The following MAVS variants were observed in gnomAD, a reference collection of about 807,000 sequenced individuals.
The protein encoded by MAVS is mitochondrial antiviral-signaling protein.
Under a neutral mutation model 30.2 loss-of-function variants are expected in MAVS, and 20 were observed. The ratio of observed to expected loss-of-function variants is 0.66; its 90% CI spans 0.47 to 0.96. MAVS has a LOEUF of 0.96. Among genes scored for constraint, MAVS ranks in the 40% least tolerant of loss-of-function variants. MAVS has a pLI of 0.00. For synonymous variants in MAVS, 278 were observed against 293.9 expected, an observed-to-expected ratio of 0.95 and a Z score of 0.55; for missense variants, 624 against 701.1, an observed-to-expected ratio of 0.89 and a Z score of 1.24.
intron 3 of MAVS, 108 bp downstream of exon 3, chr20:3,857,917 G>A (rs776561814): frequency 1.6e-6 from 2 of 1,276,420 alleles, no homozygotes; most frequent in Admixed American, 1.9e-5. Context: ...CCTCTTTCTT[G>A]TCACTGTGAA....
At chr20:3,857,543 T>C in intron 2 of MAVS, 92 bp from the exon 3 acceptor site, 1 of 1,446,520 alleles carries the variant, frequency 6.9e-7, no homozygotes, top group Non-Finnish European at 9.2e-7. Flanking sequence ...GTGGCTTTCT[T>C]GGCACCCCTC....
chr20:3,859,050 A>G (rs1037920269), intron 3 of MAVS, among the ~76,000 whole-genome samples: 120 of 152,052 alleles, frequency 7.9e-4, no homozygotes, highest in African/African-American at 2.8e-3. Context: ...TCGGCCTCCC[A>G]GAGTGCTGGG....
Position 3,875,043 on chromosome 20 carries a change from A to C in MAVS, c.*8896A>C, listed in dbSNP as rs1363809913. 6.6e-6 allele frequency: 1 copy of C among 152,320 alleles called. No homozygotes were observed. Among genetic ancestry groups the C allele is most frequent in the Non-Finnish European group, 1.5e-5 (1 of 68,036 alleles). 9.4% of individuals were successfully genotyped at this position (152,320 alleles called of 1,614,324 possible). A position where few individuals can be genotyped will look rare whatever the true frequency, so the allele number is the denominator to read the frequency against. On this transcript the variant is annotated 3_prime_UTR_variant, in exon 7 of 7. Transcript: ENST00000428216. ...AGCCCAGATCCTACAGGAAACCTTG[A>C]TTAGACCCCTCTCTTTATTAAGCTT... is the stretch of plus-strand genomic sequence containing the variant.
In MAVS at chr20:3,861,488, C is replaced by T. The variant is rs2089867152; in HGVS notation, c.449C>T (p.Pro150Leu). 1.2e-6 allele frequency: 2 copies of T among 1,613,900 alleles called. No homozygotes were observed. Among genetic ancestry groups the T allele is most frequent in the Middle Eastern group, 1.6e-4 (1 of 6,082 alleles). ...ATGCCTGTCCAGGAGACCCAGGCGCCAGAGTCCCCAGGAGAGGTCTGTCCT... is the reference window on the plus strand; with the variant it reads ...ATGCCTGTCCAGGAGACCCAGGCGCTAGAGTCCCCAGGAGAGGTCTGTCCT... ...YPMPVQETQA[P>L]ESPGENSEQA... Residue 150 changes from proline (P) to leucine (L), a missense_variant, in exon 4 of 7, where the codon CCA (proline) becomes CTA (leucine). Physicochemically the swap from Pro to Leu is moderately conservative, Grantham distance 98. Coordinates refer to ENST00000428216, the MANE Select transcript of MAVS (RefSeq NM_020746.5).
chr20:3,868,860 G>A lies in MAVS; in HGVS notation c.*2713G>A, dbSNP rs1168577248. Reference sequence around the variant, plus strand: ...GATCGCACCACTGCACTCCAGCCTGGGTGACCGAGTGATACTCTGTCTCAA... The same window carrying A: ...GATCGCACCACTGCACTCCAGCCTGAGTGACCGAGTGATACTCTGTCTCAA... On this transcript the variant is annotated 3_prime_UTR_variant, in exon 7 of 7. Transcript: ENST00000428216. 2 of 152,246 alleles carry A rather than the reference G, an allele frequency of 1.3e-5. No individual in the cohort carries two copies. The highest frequency in any genetic ancestry group is 4.8e-5 in the African/African-American group (2 of 41,440). The allele number at this position is 152,246 out of a possible 1,614,324, so 9.4% of individuals were successfully genotyped here. A position where few individuals can be genotyped will look rare whatever the true frequency, so the allele number is the denominator to read the frequency against.
chr20:3,849,506 C>T (rs893489619), intron 1 of MAVS, among the ~76,000 whole-genome samples: 15 of 152,142 alleles, frequency 9.9e-5, no homozygotes, highest in African/African-American at 3.6e-4. Context: ...AGCCAGCCAT[C>T]CCTAGCTTTC....
intron 1 of MAVS, among the ~76,000 whole-genome samples, chr20:3,849,409 T>G (rs1414606330): frequency 1.3e-5 from 2 of 152,118 alleles, no homozygotes; most frequent in African/African-American, 4.8e-5. Context: ...TTCACCATGT[T>G]GGCGAGGCTG....
chr20:3,861,924 T>G (rs1451519067), intron 4 of MAVS, among the ~76,000 whole-genome samples: 1 of 152,144 alleles, frequency 6.6e-6, no homozygotes, highest in Non-Finnish European at 1.5e-5. Context: ...AATTTTTGTA[T>G]TTTTAGTAGA....
intron 3 of MAVS, among the ~76,000 whole-genome samples, chr20:3,858,836 G>A (rs1182643735): frequency 2.0e-5 from 3 of 146,366 alleles, no homozygotes; most frequent in Admixed American, 7.0e-5. Flanking sequence ...GTCTTGCTGC[G>A]CCACCCAGGC....
In MAVS at chr20:3,873,972, C is replaced by A. The variant is rs188376946; in HGVS notation, c.*7825C>A. The A allele has an allele frequency of 1.8e-3, 698 of 396,810 alleles. 1 individual carries two copies. Among genetic ancestry groups the A allele is most frequent in the Non-Finnish European group, 2.5e-3 (573 of 225,596 alleles). 24.6% of individuals were successfully genotyped at this position (396,810 alleles called of 1,614,324 possible). ...ATTGGCAAGAATGTTTCTAACCACA[C>A]GCTGACTGTAGCCCCAAACCTGAAA... On this transcript the variant is annotated 3_prime_UTR_variant, in exon 7 of 7. Coordinates refer to ENST00000428216, the MANE Select transcript of MAVS (RefSeq NM_020746.5).
In MAVS at chr20:3,867,559, G is replaced by A; in HGVS notation, c.*1412G>A. The A allele has an allele frequency of 6.4e-6, 1 of 156,688 alleles. No individual in the cohort carries two copies. Among genetic ancestry groups the A allele is most frequent in the Admixed American group, 6.1e-5 (1 of 16,318 alleles). The allele number at this position is 156,688 out of a possible 1,614,324, so 9.7% of individuals were successfully genotyped here. A position where few individuals can be genotyped will look rare whatever the true frequency, so the allele number is the denominator to read the frequency against. ...TGCAGTGAGCTAGGATCGTGCCACT[G>A]CACTCCAACCTGGGTGAGAGAGCGA... is the stretch of plus-strand genomic sequence containing the variant. On this transcript the variant is annotated 3_prime_UTR_variant, in exon 7 of 7. Coordinates refer to ENST00000428216, the MANE Select transcript of MAVS (RefSeq NM_020746.5).
intron 3 of MAVS, among the ~76,000 whole-genome samples, chr20:3,859,199 C>T (rs907820173): frequency 4.1e-5 from 6 of 147,670 alleles, no homozygotes; most frequent in African/African-American, 1.5e-4. Context: ...TATGTCTCTT[C>T]ATGTGTGGAG....
At chr20:3,851,376 G>T (rs1286511231) in intron 1 of MAVS, among the ~76,000 whole-genome samples, 3 of 146,680 alleles carry the variant, frequency 2.0e-5, no homozygotes, top group Non-Finnish European at 4.5e-5. Flanking sequence ...CATGATGGTG[G>T]GCACGTGTAA....
In MAVS at chr20:3,857,739, G is replaced by A. The variant is rs200033422; in HGVS notation, c.222G>A (p.Ala74=). The A allele has an allele frequency of 1.2e-5, 20 of 1,614,220 alleles. No individual in the cohort carries two copies. The highest frequency in any genetic ancestry group is 2.2e-5 in the South Asian group (2 of 91,084). The change falls in exon 3 of 7, where the codon GCG becomes GCA. Residue 74 remains alanine, a synonymous_variant. Transcript: ENST00000428216. Reference sequence around the variant, plus strand: ...CCGGCTGGGTGGAGTACTTCATTGCGGCACTGAGGGGCTGTGAGCTAGTTG... The same window carrying A: ...CCGGCTGGGTGGAGTACTTCATTGCAGCACTGAGGGGCTGTGAGCTAGTTG... The part of the protein sequence containing the change: ...RRPGWVEYFI[A]ALRGCELVDL...
intron 2 of MAVS, 152 bp downstream of exon 2, chr20:3,854,893 T>A: frequency 9.5e-6 from 3 of 314,356 alleles, no homozygotes; most frequent in Non-Finnish European, 1.2e-5. Flanking sequence ...CTGCTTTTCT[T>A]TTTTTTTTTT....
rs2089792413 is a variant in MAVS at position 3,854,559 on chromosome 20, CTCGTT to C, written c.-63_-59del. Reference sequence around the variant, plus strand: ...AATGTGTGATCTGTTTTCTTCCAGTCTCGTTTCCTCTCAGTCCATCCACCCTTCAT... The same window carrying C: ...AATGTGTGATCTGTTTTCTTCCAGTCTCCTCTCAGTCCATCCACCCTTCAT... On this transcript the variant is annotated splice_region_variant and 5_prime_UTR_variant, in exon 2 of 7. Transcript: ENST00000428216. 28 of 1,110,628 alleles carry C rather than the reference CTCGTT, an allele frequency of 2.5e-5. No homozygotes were observed. The highest frequency in any genetic ancestry group is 3.7e-5 in the Non-Finnish European group (28 of 746,734). 68.8% of individuals were successfully genotyped at this position (1,110,628 alleles called of 1,614,324 possible).
intron 6 of MAVS, 148 bp downstream of exon 6, chr20:3,864,936 T>C: frequency 1.1e-6 from 1 of 949,338 alleles, no homozygotes; most frequent in East Asian, 2.6e-5. Context: ...ATACAGACAG[T>C]TGAGAACCAG....
rs2089844692 is a variant in MAVS at position 3,859,459 on chromosome 20, G to A, written c.292+1650G>A. ...GGAGGTGGAGGTTGCAGTGAGCCGA[G>A]ATTGCGCCACTGCACTCCAGCCTGG... On this transcript the variant is annotated intron_variant, in intron 3 of 6. Transcript: ENST00000428216. 2.0e-5 allele frequency among the ~76,000 whole-genome samples: 3 copies of A among 148,106 alleles called. No individual in the cohort carries two copies. The Admixed American group carries it at 2.1e-4, about 10-fold the overall frequency.
rs553345795 is a variant in MAVS at position 3,866,065 on chromosome 20, G to A, written c.1541G>A (p.Gly514Glu). 14 of 1,612,058 alleles carry A rather than the reference G, an allele frequency of 8.7e-6. No individual in the cohort carries two copies. The highest frequency in any genetic ancestry group is 8.0e-5 in the African/African-American group (6 of 75,046). Residue 514 changes from glycine to glutamate, a missense_variant, in exon 7 of 7, where the codon GGG becomes GAG. Transcript: ENST00000428216. ...REVPCHRPSP[G>E]ALWLQVAVTG... ...GTGCCATGCCACAGGCCCTCACCTG[G>A]GGCTCTGTGGCTCCAGGTGGCTGTG...
Sources: gnomAD v4.1 joint callset for allele counts (sites outside exome capture counted in the v4.1 genomes callset) on GRCh38, gnomAD v4.1.1 for gene constraint, MANE v1.5 for transcripts, NCBI Gene and HGNC (gene_info 2026-07-23, HGNC 2026-07-21) for gene names.